Variants in FOXP1 observed in about 807,000 individuals in gnomAD.
FOXP1 encodes the protein forkhead box protein P1.
In FOXP1, 15 loss-of-function variants were observed where a neutral mutation model predicts 98.2. The observed-to-expected ratio is 0.15, with a 90% CI of 0.10 to 0.24. The LOEUF (loss-of-function observed/expected upper bound fraction) is 0.24. Ranked by LOEUF, FOXP1 falls within the 10% of genes least tolerant of loss-of-function variation. The probability of loss-of-function intolerance (pLI) is 1.00; values close to 1 mark genes in which losing one functional copy is unlikely to be tolerated. For missense variants in FOXP1, 633 were observed against 848.5 expected, an observed-to-expected ratio of 0.75 and a Z score of 3.15; for synonymous variants, 371 against 314.5, an observed-to-expected ratio of 1.18 and a Z score of -1.90.
chr3:71,579,248 A>G (rs2047958270), intron 2 of FOXP1, among the ~76,000 whole-genome samples: 1 of 152,214 alleles, frequency 6.6e-6, no homozygotes, highest in African/African-American at 2.4e-5. Context: ...AAAAAGTGTT[A>G]CACAGTTTAT....
chr3:70,973,778 G>C (rs1343054113), intron 17 of FOXP1, among the ~76,000 whole-genome samples: 2 of 151,424 alleles, frequency 1.3e-5, no homozygotes, highest in Admixed American at 6.6e-5. Flanking sequence ...CATCACACTG[G>C]GTAAAGTCCT....
chr3:71,259,450 C>T (rs1174086134), intron 5 of FOXP1, among the ~76,000 whole-genome samples: 1 of 152,112 alleles, frequency 6.6e-6, no homozygotes, highest in African/African-American at 2.4e-5. Context: ...ATATTACCTC[C>T]TATCATTCCT....
At chr3:71,279,674 AT>A (rs1410235832) in intron 5 of FOXP1, among the ~76,000 whole-genome samples, 1 of 152,200 alleles carries the variant, frequency 6.6e-6, no homozygotes, top group Non-Finnish European at 1.5e-5. Flanking sequence ...ACTGCGATAT[AT>A]TTATACATAG....
chr3:71,177,012 G>C lies in FOXP1; in HGVS notation c.180+21190C>G, dbSNP rs190530406. ...TGGGAGGCGGAGGTTGCAGTGAGCC[G>C]AGATCGTGCCACTGCACTCCAGCCT... On this transcript the variant is annotated intron_variant, in intron 6 of 20. Coordinates refer to ENST00000649528, the MANE Select transcript of FOXP1 (RefSeq NM_001349338.3). 2.6e-5 allele frequency among the ~76,000 whole-genome samples: 4 copies of C among 151,662 alleles called. No individual in the cohort carries two copies. The South Asian group carries it at 8.3e-4, about 32-fold the overall frequency.
At chr3:71,097,139 C>CTT (rs1247836324) in intron 7 of FOXP1, among the ~76,000 whole-genome samples, 1 of 152,164 alleles carries the variant, frequency 6.6e-6, no homozygotes, top group Non-Finnish European at 1.5e-5. Context: ...ATCCAGTCAT[C>CTT]TAAAGCACAG....
chr3:71,031,733 C>T (rs2046894263), intron 11 of FOXP1, among the ~76,000 whole-genome samples: 1 of 151,818 alleles, frequency 6.6e-6, no homozygotes, highest in Non-Finnish European at 1.5e-5. Flanking sequence ...GCTAAACAAA[C>T]AAACAAACAA....
At chr3:71,174,913 A>T (rs1032139022) in intron 6 of FOXP1, among the ~76,000 whole-genome samples, 4 of 149,938 alleles carry the variant, frequency 2.7e-5, no homozygotes, top group African/African-American at 9.8e-5. Context: ...GAGTACATAA[A>T]TGTTTTTTTT....
intron 2 of FOXP1, among the ~76,000 whole-genome samples, chr3:71,515,759 G>C (rs913376435): frequency 6.6e-6 from 1 of 152,164 alleles, no homozygotes; most frequent in Non-Finnish European, 1.5e-5. Context: ...ACCTTTACTG[G>C]TTCAACATAA....
chr3:71,022,556 G>T (rs1407050065), intron 11 of FOXP1, among the ~76,000 whole-genome samples: 1 of 152,188 alleles, frequency 6.6e-6, no homozygotes, highest in Admixed American at 6.5e-5. Context: ...GAATGAATGT[G>T]CTATGTGGCT....
chr3:71,288,588 T>A (rs992060659), intron 5 of FOXP1, among the ~76,000 whole-genome samples: 4 of 152,226 alleles, frequency 2.6e-5, no homozygotes, highest in Admixed American at 2.0e-4. Context: ...TATTCTAAGT[T>A]AGGGCTATAA....
intron 3 of FOXP1, among the ~76,000 whole-genome samples, chr3:71,429,566 A>G (rs909088616): frequency 6.6e-6 from 1 of 152,076 alleles, no homozygotes; most frequent in Non-Finnish European, 1.5e-5. Flanking sequence ...ATAGAAATAG[A>G]AAGTTAGAAA....
chr3:71,490,498 TA>T (rs1349575572), intron 3 of FOXP1, among the ~76,000 whole-genome samples: 101 of 143,688 alleles, frequency 7.0e-4, no homozygotes, highest in South Asian at 1.5e-3. Context: ...AACTCTGTCT[TA>T]AAAAAAAAAA....
chr3:71,041,638 G>A (rs2048351613), intron 10 of FOXP1, 106 bp from the exon 11 acceptor site: 2 of 1,103,330 alleles, frequency 1.8e-6, no homozygotes, highest in Non-Finnish European at 2.7e-6. Flanking sequence ...TGTTAGGGGG[G>A]TTTTTCGGTG....
chr3:71,320,030 T>C (rs2075302648), intron 4 of FOXP1, among the ~76,000 whole-genome samples: 1 of 152,172 alleles, frequency 6.6e-6, no homozygotes, highest in African/African-American at 2.4e-5. Flanking sequence ...AATTCCCTTG[T>C]GAAGGCTCTT....
At chr3:71,001,813 C>G (rs545012301) in intron 12 of FOXP1, among the ~76,000 whole-genome samples, 1 of 152,320 alleles carries the variant, frequency 6.6e-6, no homozygotes, top group East Asian at 1.9e-4. Flanking sequence ...CTCTGGTAAT[C>G]AGAGGGCTGA....
intron 7 of FOXP1, among the ~76,000 whole-genome samples, chr3:71,104,245 A>G (rs1031439658): frequency 1.2e-4 from 18 of 152,132 alleles, no homozygotes; most frequent in African/African-American, 3.9e-4. Flanking sequence ...ACTAAAACCA[A>G]TTTTAAACAA....
intron 4 of FOXP1, among the ~76,000 whole-genome samples, chr3:71,318,320 A>G (rs2075200187): frequency 6.6e-6 from 1 of 152,194 alleles, no homozygotes; most frequent in South Asian, 2.1e-4. Context: ...ACAGGCATAC[A>G]AGAGGCTCCT....
chr3:70,960,762 C>T (rs74639445), intron 20 of FOXP1, among the ~76,000 whole-genome samples: 3,095 of 152,100 alleles, frequency 0.02, 103 homozygotes, highest in African/African-American at 0.071. Context: ...AAGACAGGAA[C>T]CTTCAGAATC....
intron 5 of FOXP1, among the ~76,000 whole-genome samples, chr3:71,221,881 G>T (rs1400145930): frequency 3.9e-5 from 6 of 152,194 alleles, no homozygotes; most frequent in Non-Finnish European, 8.8e-5. Flanking sequence ...TCGTCCGGGT[G>T]CAGTGGTTCA....
Sources: allele counts gnomAD v4.1 joint callset (sites outside exome capture counted in the v4.1 genomes callset), GRCh38; gene constraint gnomAD v4.1.1; transcripts MANE v1.5; gene names NCBI Gene and HGNC (gene_info 2026-07-23, HGNC 2026-07-21).